COL27A1: variants seen among roughly 807,000 people sequenced by gnomAD.
COL27A1 encodes the protein collagen alpha-1(XXVII) chain.
In COL27A1, 106 loss-of-function variants were observed where a neutral mutation model predicts 251.3. The observed-to-expected ratio is 0.42, with a 90% CI of 0.36 to 0.50. COL27A1 has a LOEUF of 0.50. Among genes scored for constraint, COL27A1 ranks in the 20% least tolerant of loss-of-function variants. The pLI, the probability that COL27A1 is intolerant of heterozygous loss-of-function variation, is 0.00. For missense variants in COL27A1, 2,325 were observed against 2,522.8 expected (o/e 0.92, Z 1.68); for synonymous variants, 1,000 against 986.3 (o/e 1.01, Z -0.26).
chr9:114,288,912 A>T lies in COL27A1; in HGVS notation c.4099-2A>T. ...CCTCACCTGTCTCTCTTTGGCTTCC[A>T]GGGACAGGAGGGTGTGCAAGGCCTC... On this transcript the variant is annotated splice_acceptor_variant, in intron 43 of 60. Coordinates refer to ENST00000356083, the MANE Select transcript of COL27A1 (RefSeq NM_032888.4). LOFTEE classifies it high-confidence loss of function. 1 of 1,613,572 alleles carries T rather than the reference A, an allele frequency of 6.2e-7. No individual in the cohort carries two copies. Among genetic ancestry groups the T allele is most frequent in the Non-Finnish European group, 8.5e-7 (1 of 1,179,940 alleles).
In COL27A1 at chr9:114,265,051, C is replaced by G. The variant is rs778013235; in HGVS notation, c.3295-15C>G. 4 of 1,613,820 alleles carry G rather than the reference C, an allele frequency of 2.5e-6. No homozygotes were observed. The South Asian group carries it at 3.3e-5, about 13-fold the overall frequency. Reference sequence around the variant, plus strand: ...TGTGATCTGAGCCTGTAATGACCCCCACATGTGCTTCCAGGGTGTGGCTGG... The same window carrying G: ...TGTGATCTGAGCCTGTAATGACCCCGACATGTGCTTCCAGGGTGTGGCTGG... On this transcript the variant is annotated splice_polypyrimidine_tract_variant and intron_variant, in intron 30 of 60. Transcript: ENST00000356083.
rs368298746 is a variant in COL27A1 at position 114,309,218 on chromosome 9, G to T, written c.5218-42G>T. On this transcript the variant is annotated intron_variant, in intron 59 of 60. Transcript: ENST00000356083. ...AGGGAACCCTCGGTGTGGGGGGTGT[G>T]GGGGGCAGCCTGAGCCGCTCACTGC... is the stretch of plus-strand genomic sequence containing the variant. The T allele has an allele frequency of 3.8e-5, 59 of 1,567,924 alleles. 2 individuals are homozygous for T. Among genetic ancestry groups the T allele is most frequent in the South Asian group, 3.3e-4 (30 of 90,080 alleles).
intron 1 of COL27A1, among the ~76,000 whole-genome samples, chr9:114,158,705 G>T (rs992671004): frequency 3.9e-4 from 59 of 152,266 alleles, no homozygotes; most frequent in Admixed American, 3.8e-3. Flanking sequence ...CAAAAGAATC[G>T]GCAGGGCCTC....
In COL27A1 at chr9:114,206,332, T is replaced by C. The variant is rs914547954; in HGVS notation, c.2268+36T>C. 4 of 1,609,962 alleles carry C rather than the reference T, an allele frequency of 2.5e-6. No individual in the cohort carries two copies. The Admixed American group carries it at 5.0e-5, about 20-fold the overall frequency. ...CCTGGCCAGTGCCACATGGGTGGGG[T>C]TCTAGGTGAGCATCACCTGTCCCTC... is the stretch of plus-strand genomic sequence containing the variant. On this transcript the variant is annotated intron_variant, in intron 10 of 60. Transcript: ENST00000356083.
chr9:114,213,023 G>A (rs905148750), intron 12 of COL27A1, among the ~76,000 whole-genome samples: 7 of 152,200 alleles, frequency 4.6e-5, no homozygotes, highest in African/African-American at 1.2e-4. Context: ...AGGGCCAGGC[G>A]TTGCTCCTTT....
intron 28 of COL27A1, 117 bp from the exon 29 acceptor site, chr9:114,264,238 G>GGAC (rs1834560614): frequency 1.9e-5 from 14 of 718,822 alleles, no homozygotes; most frequent in Non-Finnish European, 2.8e-5. Flanking sequence ...GGGAGGAGGA[G>GGAC]GGGGCCGGAG....
chr9:114,179,149 G>A lies in COL27A1; in HGVS notation c.1962+805G>A, dbSNP rs58852143. ...CTTTCCCACGCTGGGTGCCTGGTGA[G>A]GCCCTGGCAGAGGTAGCTGCCTGGG... On this transcript the variant is annotated intron_variant, in intron 4 of 60. Coordinates refer to ENST00000356083, the MANE Select transcript of COL27A1 (RefSeq NM_032888.4). Among the ~76,000 whole-genome samples, 354 of 152,302 alleles carry A rather than the reference G, an allele frequency of 2.3e-3. 1 individual carries two copies. The highest frequency in any genetic ancestry group is 8.1e-3 in the African/African-American group (337 of 41,554).
intron 4 of COL27A1, among the ~76,000 whole-genome samples, chr9:114,181,514 G>A (rs1444496911): frequency 6.6e-6 from 1 of 152,220 alleles, no homozygotes; most frequent in East Asian, 1.9e-4. Flanking sequence ...GATGAATCAA[G>A]AGGGACGGGG....
intron 60 of COL27A1, 118 bp from the exon 61 acceptor site, chr9:114,310,431 T>C (rs935207382): frequency 5.5e-6 from 6 of 1,096,480 alleles, no homozygotes; most frequent in Non-Finnish European, 8.1e-6. Context: ...AGGTCATTGC[T>C]ACAATGAAAT....
Position 114,155,920 on chromosome 9 carries a change from C to A in COL27A1, c.-31C>A. On this transcript the variant is annotated 5_prime_UTR_variant, in exon 1 of 61. Coordinates refer to ENST00000356083, the MANE Select transcript of COL27A1 (RefSeq NM_032888.4). This position sits in a 1 kb window ranked among gnomAD's most constrained non-coding sequence, Gnocchi z 5.5. ...ATGGGGCGCGCCCACACTTGCCCCC[C>A]GGGCTCGGGAGCATGAAGTAGGGGC... 8.2e-7 allele frequency: 1 copy of A among 1,221,722 alleles called. No homozygotes were observed. The allele number at this position is 1,221,722 out of a possible 1,614,324, so 75.7% of individuals were successfully genotyped here.
chr9:114,302,493 G>A lies in COL27A1; in HGVS notation c.4872+385G>A, dbSNP rs559686675. On this transcript the variant is annotated intron_variant, in intron 56 of 60. Coordinates refer to ENST00000356083, the MANE Select transcript of COL27A1 (RefSeq NM_032888.4). ...TGTAATCCCAGCACTTTGGGAGTTC[G>A]AGGCGAGCAGATCACCTGAGGTCAG... Among the ~76,000 whole-genome samples the A allele has an allele frequency of 2.6e-5, 4 of 152,202 alleles. No homozygotes were observed. In the South Asian group the frequency reaches 8.3e-4, roughly 32 times the overall value.
At chr9:114,186,533 C>T (rs982974593) in intron 5 of COL27A1, among the ~76,000 whole-genome samples, 4 of 152,216 alleles carry the variant, frequency 2.6e-5, no homozygotes, top group Admixed American at 2.0e-4. Flanking sequence ...GGAGACCCCA[C>T]GATATGGGGA....
chr9:114,309,990 T>C (rs1349586744), intron 60 of COL27A1, among the ~76,000 whole-genome samples: 1 of 152,108 alleles, frequency 6.6e-6, no homozygotes, highest in Non-Finnish European at 1.5e-5. Flanking sequence ...AGAAAATAAA[T>C]TGGTAGAGGC....
chr9:114,302,451 G>C (rs1828715155), intron 56 of COL27A1, among the ~76,000 whole-genome samples: 2 of 152,166 alleles, frequency 1.3e-5, no homozygotes, highest in Non-Finnish European at 2.9e-5. Context: ...TTGGGGCCGG[G>C]CGCAGTGGCT....
intron 1 of COL27A1, among the ~76,000 whole-genome samples, chr9:114,157,110 G>GCGCC: frequency 7.1e-6 from 1 of 141,656 alleles, no homozygotes; most frequent in Non-Finnish European, 1.5e-5. Flanking sequence ...ACACATACGC[G>GCGCC]CGCGCGGCAC....
rs1315972023 is a variant in COL27A1, at chr9:114,157,879, G to GA, written c.62+1869dup. 2.0e-5 allele frequency among the ~76,000 whole-genome samples: 3 copies of GA among 152,334 alleles called. No homozygotes were observed. The East Asian group carries it at 5.8e-4, about 29-fold the overall frequency. On this transcript the variant is annotated intron_variant, in intron 1 of 60. Transcript: ENST00000356083. ...CTAGCTGGCTGGGTTTTGTGAAGAT[G>GA]AACAGGACCATGCTTGTAAAGGGCT...
At chr9:114,250,524 C>T (rs1833465483) in intron 24 of COL27A1, 91 bp from the exon 25 acceptor site, 1 of 1,216,318 alleles carries the variant, frequency 8.2e-7, no homozygotes, top group African/African-American at 1.5e-5. Flanking sequence ...GGGTGGGAGA[C>T]ACCTGGGAGA....
intron 21 of COL27A1, among the ~76,000 whole-genome samples, chr9:114,241,034 G>T (rs1832720874): frequency 6.6e-6 from 1 of 152,240 alleles, no homozygotes; most frequent in African/African-American, 2.4e-5. Context: ...TGGCCTAGGG[G>T]CACCTCCAGA....
chr9:114,199,100 C>G (rs1829378414), intron 7 of COL27A1, among the ~76,000 whole-genome samples: 1 of 152,204 alleles, frequency 6.6e-6, no homozygotes, highest in Non-Finnish European at 1.5e-5. Flanking sequence ...GCCAAGAAGG[C>G]TGCCAGAACT....
Sources: allele counts gnomAD v4.1 joint callset (sites outside exome capture counted in the v4.1 genomes callset), GRCh38; gene constraint gnomAD v4.1.1; non-coding constraint Gnocchi (gnomAD v3.1); transcripts MANE v1.5; gene names NCBI Gene and HGNC (gene_info 2026-07-23, HGNC 2026-07-21).